ATP8B4: variants seen among roughly 807,000 people sequenced by gnomAD.
ATP8B4 encodes the protein probable phospholipid-transporting ATPase IM.
ATP8B4 carries 133 observed loss-of-function variants against 145.6 expected under a neutral mutation model. The ratio of observed to expected loss-of-function variants is 0.91; its 90% CI spans 0.79 to 1.05. The LOEUF (loss-of-function observed/expected upper bound fraction) is 1.05. ATP8B4 is among the 50% of genes least tolerant of loss of function. The pLI is 0.00. For synonymous variants in ATP8B4, 507 were observed against 492.9 expected (o/e 1.03, Z -0.38); for missense variants, 1,458 against 1,425.2 (o/e 1.02, Z -0.37).
At chr15:49,912,478 G>A (rs561248698) in intron 20 of ATP8B4, among the ~76,000 whole-genome samples, 15 of 152,070 alleles carry the variant, frequency 9.9e-5, no homozygotes, top group Middle Eastern at 3.4e-3. Flanking sequence ...AGGAAGAAAC[G>A]GAAAATCTGA....
Position 50,010,854 on chromosome 15 carries a change from T to C in ATP8B4, c.426A>G (p.Gln142=). 1 of 1,556,566 alleles carries C rather than the reference T, an allele frequency of 6.4e-7. No individual in the cohort carries two copies. Among genetic ancestry groups the C allele is most frequent in the Non-Finnish European group, 8.7e-7 (1 of 1,148,500 alleles). Residue 142 remains glutamine (Q), a synonymous_variant, in exon 7 of 28, where the codon CAA becomes CAG. Transcript: ENST00000284509. ...VGDIIKLENN[Q]FVAADLLLLS... The stretch of plus-strand genomic sequence containing the variant: ...AATATTGAATACTTACAGCAACAAA[T>C]TGGTTATTTTCTAATTTAATGATGT...
intron 23 of ATP8B4, among the ~76,000 whole-genome samples, chr15:49,887,427 T>C (rs566430740): frequency 1.3e-5 from 2 of 151,754 alleles, no homozygotes; most frequent in African/African-American, 4.8e-5. Flanking sequence ...TGATGACTCT[T>C]TTCAGATTTC....
At chr15:50,003,564 A>C (rs986218539) in intron 7 of ATP8B4, among the ~76,000 whole-genome samples, 3 of 152,022 alleles carry the variant, frequency 2.0e-5, no homozygotes, top group African/African-American at 7.2e-5. Flanking sequence ...TTTTTTTGAA[A>C]ATTCACCTTG....
intron 1 of ATP8B4, among the ~76,000 whole-genome samples, chr15:50,126,626 C>T (rs1367501310): frequency 6.6e-6 from 1 of 152,208 alleles, no homozygotes; most frequent in African/African-American, 2.4e-5. Flanking sequence ...TACTCTCTTA[C>T]TTATCAAGTT....
chr15:49,871,822 C>T (rs1312199031), intron 25 of ATP8B4, among the ~76,000 whole-genome samples: 2 of 152,168 alleles, frequency 1.3e-5, no homozygotes, highest in Admixed American at 6.5e-5. Context: ...TCATCCTCCT[C>T]TCCAGAAAGT....
intron 1 of ATP8B4, among the ~76,000 whole-genome samples, chr15:50,174,430 A>C (rs971861843): frequency 2.6e-5 from 4 of 152,134 alleles, no homozygotes; most frequent in African/African-American, 9.7e-5. Context: ...AGAACTGATA[A>C]AAGAATTCAG....
chr15:50,070,020 G>T (rs1467687671), intron 3 of ATP8B4, among the ~76,000 whole-genome samples: 1 of 152,160 alleles, frequency 6.6e-6, no homozygotes, highest in Non-Finnish European at 1.5e-5. Context: ...ATTAAAAAAG[G>T]TAATAAAAAA....
chr15:50,119,166 A>C lies in ATP8B4; in HGVS notation c.-86T>G, dbSNP rs1488497692. 6.6e-6 allele frequency: 1 copy of C among 152,264 alleles called. No homozygotes were observed. The highest frequency in any genetic ancestry group is 2.4e-5 in the African/African-American group (1 of 41,452). The allele number at this position is 152,264 out of a possible 1,614,324, so 9.4% of individuals were successfully genotyped here. A position where few individuals can be genotyped will look rare whatever the true frequency, so the allele number is the denominator to read the frequency against. ...CTCTCCCCCAAAAGGAAGATTTCTC[A>C]GCAGTGCAGGAAGATCAAACAGGTA... On this transcript the variant is annotated 5_prime_UTR_variant, in exon 1 of 28. It removes the in-frame stop codon of an upstream open reading frame in the 5' UTR. Coordinates refer to ENST00000284509, the MANE Select transcript of ATP8B4 (RefSeq NM_024837.4).
At chr15:50,054,784 AAAAAAAAAAAAAAAAAAAAAAAAAAC>A (rs1225513250) in intron 3 of ATP8B4, among the ~76,000 whole-genome samples, 16 of 5,254 alleles carry the variant, frequency 3.0e-3, no homozygotes, top group South Asian at 0.02. Context: ...ACTCCGCCTC[AAAAAAAAAAAAAAAAAAAAAAAAAAC>A]AAAAAAAAAA....
chr15:50,159,487 C>G (rs2044483490), intron 1 of ATP8B4, among the ~76,000 whole-genome samples: 1 of 152,102 alleles, frequency 6.6e-6, no homozygotes, highest in Non-Finnish European at 1.5e-5. Context: ...TTATTTCTTT[C>G]TCTTGTCTGG....
At chr15:49,883,433 T>C (rs2035736555) in intron 23 of ATP8B4, 1 of 152,116 alleles carries the variant, frequency 6.6e-6, no homozygotes. Flanking sequence ...CAGAGTAAGG[T>C]TTCAATGAGT....
intron 2 of ATP8B4, among the ~76,000 whole-genome samples, chr15:50,076,267 G>A (rs920215020): frequency 1.3e-5 from 2 of 152,132 alleles, no homozygotes; most frequent in African/African-American, 4.8e-5. Flanking sequence ...GCTGAAGCAG[G>A]CGGATCACAA....
At chr15:50,079,086 A>G (rs1324053145) in intron 2 of ATP8B4, among the ~76,000 whole-genome samples, 3 of 152,146 alleles carry the variant, frequency 2.0e-5, no homozygotes, top group Non-Finnish European at 2.9e-5. Flanking sequence ...GTATAATTGG[A>G]TTGTTTCTAA....
chr15:50,044,946 A>G (rs2051605015), intron 4 of ATP8B4, among the ~76,000 whole-genome samples: 2 of 152,222 alleles, frequency 1.3e-5, no homozygotes, highest in African/African-American at 4.8e-5. Context: ...GAAATCTCTC[A>G]CAGATGATCA....
intron 6 of ATP8B4, among the ~76,000 whole-genome samples, chr15:50,015,017 T>C (rs147361215): frequency 6.0e-4 from 92 of 152,340 alleles, no homozygotes; most frequent in African/African-American, 2.0e-3. Flanking sequence ...TAGATAGATG[T>C]ACAATGAAAC....
intron 1 of ATP8B4, among the ~76,000 whole-genome samples, chr15:50,133,743 T>G (rs2044082269): frequency 6.6e-6 from 1 of 152,202 alleles, no homozygotes; most frequent in South Asian, 2.1e-4. Context: ...GAATATGTTT[T>G]GGAGATCTAA....
intron 6 of ATP8B4, among the ~76,000 whole-genome samples, chr15:50,033,534 CTA>C (rs1291927523): frequency 6.6e-6 from 1 of 152,148 alleles, no homozygotes; most frequent in Non-Finnish European, 1.5e-5. Flanking sequence ...ATGTGAAAAA[CTA>C]TGCTTACCAT....
intron 25 of ATP8B4, among the ~76,000 whole-genome samples, chr15:49,874,809 A>C (rs996817260): frequency 6.6e-6 from 1 of 152,190 alleles, no homozygotes; most frequent in African/African-American, 2.4e-5. Flanking sequence ...AAAATGTGAT[A>C]GTTTCTGTGG....
intron 23 of ATP8B4, chr15:49,880,830 C>T (rs926759986): frequency 6.0e-5 from 9 of 150,078 alleles, no homozygotes; most frequent in South Asian, 2.1e-4. Flanking sequence ...AAAAAAAAGC[C>T]GGCCAGGTGT....
Sources: allele counts gnomAD v4.1 joint callset (sites outside exome capture counted in the v4.1 genomes callset), GRCh38; gene constraint gnomAD v4.1.1; transcripts MANE v1.5; gene names NCBI Gene and HGNC (gene_info 2026-07-23, HGNC 2026-07-21).